COPG2: variants seen among roughly 807,000 people sequenced by gnomAD.
The protein encoded by COPG2 is coatomer subunit gamma-2.
Under a neutral mutation model 46.3 loss-of-function variants are expected in COPG2, and 37 were observed. The observed-to-expected ratio is 0.80, with a 90% CI of 0.61 to 1.05. COPG2 has a LOEUF of 1.05. COPG2 is among the 50% of genes least tolerant of loss of function. The pLI is 0.00. For synonymous variants in COPG2, 159 were observed against 129.7 expected (o/e 1.23, Z -1.53); for missense variants, 427 against 387.8 (o/e 1.10, Z -0.85).
At position 130,506,630 on chromosome 7, in the gene COPG2, C is replaced by A; in HGVS notation, c.*46G>T. The stretch of plus-strand genomic sequence containing the variant: ...AACTGATGCCACTAGCCTAAAAGCC[C>A]ACTGACCATGTAGTGTGCATCAGTT... On this transcript the variant is annotated 3_prime_UTR_variant, in exon 24 of 24. Transcript: ENST00000425248. 1.4e-6 allele frequency: 1 copy of A among 719,060 alleles called. No individual in the cohort carries two copies. Among genetic ancestry groups the A allele is most frequent in the African/African-American group, 1.8e-5 (1 of 56,332 alleles). 44.5% of individuals were successfully genotyped at this position (719,060 alleles called of 1,614,324 possible).
At chr7:130,601,841 A>T (rs1794637198) in intron 9 of COPG2, among the ~76,000 whole-genome samples, 1 of 151,610 alleles carries the variant, frequency 6.6e-6, no homozygotes, top group Non-Finnish European at 1.5e-5. Context: ...GAAGGAAGGA[A>T]GGAGGGAAGG....
chr7:130,616,736 T>C (rs1363511603), intron 6 of COPG2, among the ~76,000 whole-genome samples: 3 of 152,200 alleles, frequency 2.0e-5, no homozygotes, highest in African/African-American at 7.2e-5. Context: ...TGGGTTTTTG[T>C]TTCCTGCAAG....
At chr7:130,577,414 A>T (rs955032974) in intron 9 of COPG2, among the ~76,000 whole-genome samples, 1 of 152,216 alleles carries the variant, frequency 6.6e-6, no homozygotes, top group Admixed American at 6.5e-5. Context: ...TGATGGACGC[A>T]CCTGGAAAAT....
In COPG2 at chr7:130,611,121, T is replaced by G. The variant is rs749099917; in HGVS notation, c.580-11A>C. 6.2e-7 allele frequency: 1 copy of G among 1,605,296 alleles called. No homozygotes were observed. Among genetic ancestry groups the G allele is most frequent in the Non-Finnish European group, 8.5e-7 (1 of 1,174,802 alleles). On this transcript the variant is annotated splice_polypyrimidine_tract_variant and intron_variant, in intron 8 of 23. Coordinates refer to ENST00000425248, the MANE Select transcript of COPG2 (RefSeq NM_012133.6). ...TCCCAATGCATGGTACTAAAGAACA[T>G]GAAAAAGAAGGTAGCACATGGATTA...
intron 20 of COPG2, among the ~76,000 whole-genome samples, chr7:130,536,696 A>C (rs1799883407): frequency 6.6e-6 from 1 of 152,148 alleles, no homozygotes; most frequent in Non-Finnish European, 1.5e-5. Flanking sequence ...AGGTGTGGGA[A>C]CACAGTTCCC....
chr7:130,554,085 G>A (rs1793577374), intron 14 of COPG2, among the ~76,000 whole-genome samples: 1 of 152,188 alleles, frequency 6.6e-6, no homozygotes, highest in African/African-American at 2.4e-5. Flanking sequence ...TCAGTAGCTA[G>A]TGAAAAGCTC....
intron 20 of COPG2, among the ~76,000 whole-genome samples, chr7:130,533,265 GAGAA>G (rs1419921372): frequency 1.4e-5 from 2 of 147,490 alleles, no homozygotes; most frequent in African/African-American, 2.5e-5. Context: ...TATTCACAAG[GAGAA>G]AGAGACAGCC....
intron 7 of COPG2, 138 bp from the exon 8 acceptor site, chr7:130,612,376 T>G: frequency 1.7e-6 from 1 of 600,404 alleles, no homozygotes; most frequent in East Asian, 2.9e-5. Flanking sequence ...GTCTATTTTG[T>G]GTCTTTACTC....
At chr7:130,588,763 T>C (rs963581113) in intron 9 of COPG2, among the ~76,000 whole-genome samples, 10 of 152,108 alleles carry the variant, frequency 6.6e-5, no homozygotes, top group Non-Finnish European at 1.2e-4. Context: ...AACCTGCACG[T>C]TGTGCACATG....
chr7:130,602,339 T>A (rs1461320460), intron 9 of COPG2, among the ~76,000 whole-genome samples: 1 of 152,046 alleles, frequency 6.6e-6, no homozygotes, highest in African/African-American at 2.4e-5. Flanking sequence ...TTTACATTCT[T>A]TATATAATTA....
chr7:130,612,770 A>G (rs1554452306), intron 7 of COPG2, among the ~76,000 whole-genome samples: 2 of 152,158 alleles, frequency 1.3e-5, no homozygotes, highest in Non-Finnish European at 2.9e-5. Flanking sequence ...TAAAAAAAAG[A>G]CCACTTCCTG....
intron 20 of COPG2, chr7:130,509,669 G>A (rs782755766): frequency 1.2e-5 from 6 of 518,842 alleles, no homozygotes; most frequent in African/African-American, 1.2e-4. Context: ...AAGCTTATGT[G>A]CCAGACACTT....
At chr7:130,655,654 C>G (rs2116246386) in intron 4 of COPG2, among the ~76,000 whole-genome samples, 1 of 152,196 alleles carries the variant, frequency 6.6e-6, no homozygotes, top group East Asian at 1.9e-4. Flanking sequence ...TGGCTCCCAA[C>G]CTCCATTCGT....
chr7:130,568,895 A>T (rs1793848307), intron 9 of COPG2, among the ~76,000 whole-genome samples: 1 of 152,234 alleles, frequency 6.6e-6, no homozygotes, highest in African/African-American at 2.4e-5. Context: ...ACTGGAAATC[A>T]ACTCCAAAAG....
At position 130,663,027 on chromosome 7, in the gene COPG2, A is replaced by T; in HGVS notation, c.183T>A (p.Phe61Leu). 1.9e-6 allele frequency: 3 copies of T among 1,540,400 alleles called. No individual in the cohort carries two copies. Among genetic ancestry groups the T allele is most frequent in the Non-Finnish European group, 2.6e-6 (3 of 1,144,300 alleles). The stretch of plus-strand genomic sequence containing the variant: ...AGGCTTCTGTAGCTTCCGTTGTTCC[A>T]AAGTGTTCACCCTAAGTAAAATTTA... The part of the protein sequence containing the change: ...ILYLLNQGEH[F>L]GTTEATEAFF... Residue 61 changes from phenylalanine to leucine, a missense_variant, in exon 4 of 24, where the codon TTT (phenylalanine) becomes TTA (leucine). Physicochemically the swap from Phe to Leu is conservative, Grantham distance 22. Transcript: ENST00000425248.
Position 130,613,443 on chromosome 7 carries a change from T to C in COPG2, c.492+101A>G, listed in dbSNP as rs1794892183. On this transcript the variant is annotated intron_variant, in intron 7 of 23. Transcript: ENST00000425248. ...ATAAAGTAATAGAGGTGTATACATA[T>C]TTTTAACTGTTTCATTTGTGAGACA... 48 of 782,256 alleles carry C rather than the reference T, an allele frequency of 6.1e-5. No homozygotes were observed. In the South Asian group the frequency reaches 7.5e-4, roughly 12 times the overall value. The allele number at this position is 782,256 out of a possible 1,614,324, so 48.5% of individuals were successfully genotyped here.
rs953743905 is a variant in COPG2, at chr7:130,562,758, T to C, written c.939+511A>G. Among the ~76,000 whole-genome samples the C allele has an allele frequency of 3.5e-3, 528 of 152,350 alleles. 2 individuals are homozygous for C. Among genetic ancestry groups the C allele is most frequent in the African/African-American group, 0.012 (504 of 41,584 alleles). On this transcript the variant is annotated intron_variant, in intron 11 of 23. Coordinates refer to ENST00000425248, the MANE Select transcript of COPG2 (RefSeq NM_012133.6). ...ATTATGATAAAATATACTATTAAAATTAATTTTACCTTAAAAATTTTAATG... is the reference window on the plus strand; with the variant it reads ...ATTATGATAAAATATACTATTAAAACTAATTTTACCTTAAAAATTTTAATG...
chr7:130,590,949 C>T (rs1453526080), intron 9 of COPG2, among the ~76,000 whole-genome samples: 13 of 150,774 alleles, frequency 8.6e-5, no homozygotes, highest in East Asian at 2.0e-4. Flanking sequence ...GCAGCCACAC[C>T]ATCTGAGAAG....
At chr7:130,621,270 C>T (rs782241482) in intron 5 of COPG2, among the ~76,000 whole-genome samples, 79 of 152,326 alleles carry the variant, frequency 5.2e-4, no homozygotes, top group Non-Finnish European at 8.7e-4. Flanking sequence ...TTTTAGACTT[C>T]TAGCCTCCAG....
Sources: allele counts gnomAD v4.1 joint callset (sites outside exome capture counted in the v4.1 genomes callset), GRCh38; gene constraint gnomAD v4.1.1; transcripts MANE v1.5; gene names NCBI Gene and HGNC (gene_info 2026-07-23, HGNC 2026-07-21).